Variants in SLC5A8 observed in about 807,000 individuals in gnomAD.
SLC5A8 encodes the protein sodium-coupled monocarboxylate transporter 1.
In SLC5A8, 55 loss-of-function variants were observed where a neutral mutation model predicts 71.9. The observed-to-expected ratio is 0.77, with a 90% CI of 0.62 to 0.96. The LOEUF (loss-of-function observed/expected upper bound fraction) is 0.96. SLC5A8 is among the 40% of genes least tolerant of loss of function. The probability of loss-of-function intolerance (pLI) is 0.00; values close to 1 mark genes in which losing one functional copy is unlikely to be tolerated. For missense variants in SLC5A8, 701 were observed against 745.3 expected, an observed-to-expected ratio of 0.94 and a Z score of 0.69; for synonymous variants, 307 against 276.1, an observed-to-expected ratio of 1.11 and a Z score of -1.11.
chr12:101,209,265 G>A (rs75543128), intron 1 of SLC5A8, among the ~76,000 whole-genome samples: 3,433 of 152,250 alleles, frequency 0.023, 62 homozygotes, highest in African/African-American at 0.054. Context: ...CTAAGCCCAG[G>A]AGAGTAAATC....
chr12:101,182,876 A>G lies in SLC5A8; in HGVS notation c.1092T>C (p.Thr364=), dbSNP rs775487568. ...SSSINALAAV[T]VEDLIKPYFR... Reference sequence around the variant, plus strand: ...AGTAAGGTTTGATTAGATCTTCCACAGTTACTGCTGCTAAGGCATTAATAC... The same window carrying G: ...AGTAAGGTTTGATTAGATCTTCCACGGTTACTGCTGCTAAGGCATTAATAC... The change falls in exon 9 of 15, where the codon ACT becomes ACC. Residue 364 remains threonine, a synonymous_variant. Transcript: ENST00000536262. 2.8e-5 allele frequency: 44 copies of G among 1,593,952 alleles called. No individual in the cohort carries two copies. The highest frequency in any genetic ancestry group is 2.0e-5 in the Non-Finnish European group (24 of 1,172,956).
Position 101,161,971 on chromosome 12 carries a change from T to C in SLC5A8, c.1630+3A>G. The C allele has an allele frequency of 6.3e-7, 1 of 1,592,152 alleles. No individual in the cohort carries two copies. The highest frequency in any genetic ancestry group is 8.6e-7 in the Non-Finnish European group (1 of 1,160,128). On this transcript the variant is annotated splice_donor_region_variant and intron_variant, in intron 13 of 14. Transcript: ENST00000536262. ...ACAACAATACTAATGTTTAGATAGT[T>C]ACCTGTTGATAAACTGACAAGTATC...
In SLC5A8 at chr12:101,187,504, A is replaced by G. The variant is rs191052117; in HGVS notation, c.845T>C (p.Ile282Thr). 21 of 1,611,666 alleles carry G rather than the reference A, an allele frequency of 1.3e-5. No individual in the cohort carries two copies. The Admixed American group carries it at 2.0e-4, about 15-fold the overall frequency. ...SRFQAKLSLY[I>T]NLVGLWAILT... ...GATTGCCCAGAGTCCCACAAGATTG[A>G]TGTAGAGAGACCTAAAGAAGTGAAA... is the stretch of plus-strand genomic sequence containing the variant. The change falls in exon 7 of 15, where the codon ATC (isoleucine) becomes ACC (threonine). Residue 282 changes from isoleucine to threonine, a missense_variant. Physicochemically the swap from Ile to Thr is moderately conservative, Grantham distance 89 (BLOSUM62 -1). Coordinates refer to ENST00000536262, the MANE Select transcript of SLC5A8 (RefSeq NM_145913.5).
In SLC5A8 at chr12:101,195,180, A is replaced by T; in HGVS notation, c.470-18T>A. 6.2e-7 allele frequency: 1 copy of T among 1,612,426 alleles called. No homozygotes were observed. The highest frequency in any genetic ancestry group is 8.5e-7 in the Non-Finnish European group (1 of 1,178,818). On this transcript the variant is annotated intron_variant, in intron 3 of 14. Transcript: ENST00000536262. The stretch of plus-strand genomic sequence containing the variant: ...TCCTGTGACTGTAGAAAAAAATAGA[A>T]TGCATATATAATTGTGAAATATGCA...
chr12:101,186,918 G>A (rs907025702), intron 7 of SLC5A8, among the ~76,000 whole-genome samples: 6 of 152,112 alleles, frequency 3.9e-5, no homozygotes, highest in Admixed American at 2.0e-4. Context: ...TAAGCTCTTG[G>A]CACAGAATCT....
chr12:101,188,611 C>T (rs946124992), intron 6 of SLC5A8, among the ~76,000 whole-genome samples: 3 of 152,196 alleles, frequency 2.0e-5, no homozygotes, highest in African/African-American at 7.2e-5. Context: ...TACAGTCCAG[C>T]GTCTCCCTCT....
At chr12:101,185,252 T>C (rs2062168) in intron 7 of SLC5A8, among the ~76,000 whole-genome samples, 28,688 of 152,172 alleles carry the variant, frequency 0.19, 3,013 homozygotes, top group African/African-American at 0.26. Flanking sequence ...TTTATCCCTA[T>C]ATGAGATCAA....
intron 3 of SLC5A8, among the ~76,000 whole-genome samples, chr12:101,201,178 T>G (rs895713897): frequency 2.0e-5 from 3 of 152,196 alleles, no homozygotes; most frequent in Non-Finnish European, 4.4e-5. Flanking sequence ...ACTCATGAAG[T>G]TTATAACTCA....
At chr12:101,171,971 G>A (rs1048245242) in intron 10 of SLC5A8, among the ~76,000 whole-genome samples, 2 of 152,204 alleles carry the variant, frequency 1.3e-5, no homozygotes, top group Non-Finnish European at 2.9e-5. Flanking sequence ...GCTTAGAGTT[G>A]CTTGATTACA....
In SLC5A8 at chr12:101,161,221, T is replaced by C. The variant is rs550644748; in HGVS notation, c.1630+753A>G. Among the ~76,000 whole-genome samples the C allele has an allele frequency of 3.3e-5, 5 of 152,330 alleles. No individual in the cohort carries two copies. In the East Asian group the frequency reaches 5.8e-4, roughly 18 times the overall value. ...TCAGACACACAAAGTTTCCAAAACC[T>C]CTTCTTTTGTCTACTCTTTCTTGAG... On this transcript the variant is annotated intron_variant, in intron 13 of 14. Transcript: ENST00000536262.
intron 13 of SLC5A8, among the ~76,000 whole-genome samples, chr12:101,158,598 C>CTCTATATA (rs1411795424): frequency 1.8e-3 from 39 of 21,196 alleles, no homozygotes; most frequent in Non-Finnish European, 2.5e-3. Context: ...CTCTCTCTCT[C>CTCTATATA]TATATATATA....
Position 101,187,585 on chromosome 12 carries a change from C to A in SLC5A8, c.834-70G>T, listed in dbSNP as rs1328420485. 8.6e-6 allele frequency: 13 copies of A among 1,507,584 alleles called. No individual in the cohort carries two copies. The Admixed American group carries it at 2.7e-4, about 31-fold the overall frequency. The allele number at this position is 1,507,584 out of a possible 1,614,324, so 93.4% of individuals were successfully genotyped here. On this transcript the variant is annotated intron_variant, in intron 6 of 14. Coordinates refer to ENST00000536262, the MANE Select transcript of SLC5A8 (RefSeq NM_145913.5). ...GTCCCAAAGATTAGGAAACCTGTTACATGATCAAAAGAGACCTTCATGATT... is the reference window on the plus strand; with the variant it reads ...GTCCCAAAGATTAGGAAACCTGTTAAATGATCAAAAGAGACCTTCATGATT...
chr12:101,180,303 G>A (rs553020151), intron 9 of SLC5A8, among the ~76,000 whole-genome samples: 2 of 152,292 alleles, frequency 1.3e-5, no homozygotes, highest in African/African-American at 4.8e-5. Flanking sequence ...CTTACATTGT[G>A]TCCCAGGATT....
intron 3 of SLC5A8, among the ~76,000 whole-genome samples, chr12:101,201,860 G>A (rs746222786): frequency 2.6e-5 from 4 of 152,152 alleles, no homozygotes; most frequent in African/African-American, 4.8e-5. Flanking sequence ...AGGGGATGCC[G>A]TCAATCCTGA....
rs142662355 is a variant in SLC5A8 at position 101,203,798 on chromosome 12, A to G, written c.417+702T>C. On this transcript the variant is annotated intron_variant, in intron 2 of 14. Transcript: ENST00000536262. ...AATAGTCATGACAATGATCATTACA[A>G]TCTTCCAGAAGCACGGTGAACAGTG... 1.7e-3 allele frequency among the ~76,000 whole-genome samples: 257 copies of G among 152,376 alleles called. 1 individual carries two copies. The highest frequency in any genetic ancestry group is 6.0e-3 in the African/African-American group (248 of 41,594).
At chr12:101,159,128 C>T (rs2051702565) in intron 13 of SLC5A8, among the ~76,000 whole-genome samples, 1 of 152,030 alleles carries the variant, frequency 6.6e-6, no homozygotes, top group Non-Finnish European at 1.5e-5. Flanking sequence ...AAATTAGGAC[C>T]TCTGCAGGTA....
intron 1 of SLC5A8, among the ~76,000 whole-genome samples, chr12:101,207,608 A>T (rs1375606754): frequency 6.6e-6 from 1 of 152,138 alleles, no homozygotes; most frequent in Non-Finnish European, 1.5e-5. Flanking sequence ...TGAGAGCAGC[A>T]TTCATGTGTG....
At position 101,209,678 on chromosome 12, in the gene SLC5A8, C is replaced by T. The variant is rs561976279; in HGVS notation, c.171G>A (p.Val57=). The change falls in exon 1 of 15, where the codon GTG becomes GTA. Residue 57 remains valine, a synonymous_variant. Transcript: ENST00000536262. ...TGAAGCTAGCGGTGAGGGACAGCGC[C>T]ACGGGCACTGCGGTCATTCTGCGGC... The part of the protein sequence containing the change: ...MGGRRMTAVP[V]ALSLTASFMS... 7 of 1,613,744 alleles carry T rather than the reference C, an allele frequency of 4.3e-6. No individual in the cohort carries two copies. The Admixed American group carries it at 1.0e-4, about 23-fold the overall frequency.
intron 3 of SLC5A8, among the ~76,000 whole-genome samples, chr12:101,201,263 A>G (rs766020847): frequency 2.6e-5 from 4 of 152,222 alleles, no homozygotes; most frequent in Non-Finnish European, 4.4e-5. Flanking sequence ...TTCAGAGTTC[A>G]AGAGCACCTT....
Sources: gnomAD v4.1 joint callset for allele counts (sites outside exome capture counted in the v4.1 genomes callset) on GRCh38, gnomAD v4.1.1 for gene constraint, MANE v1.5 for transcripts, NCBI Gene and HGNC (gene_info 2026-07-23, HGNC 2026-07-21) for gene names.